STXBP5L: variants seen among roughly 807,000 people sequenced by gnomAD.
STXBP5L encodes syntaxin binding protein 5L, also known as syntaxin-binding protein 5-like.
Under a neutral mutation model 144.5 loss-of-function variants are expected in STXBP5L, and 65 were observed. The ratio of observed to expected loss-of-function variants is 0.45; its 90% confidence interval spans 0.37 to 0.55. The LOEUF is 0.55. Among genes scored for constraint, STXBP5L ranks in the 20% least tolerant of loss-of-function variants. The pLI, the probability that STXBP5L is intolerant of heterozygous loss-of-function variation, is 0.00. For missense variants in STXBP5L, 1,298 were observed against 1,405.5 expected, an observed-to-expected ratio of 0.92 and a Z score of 1.22; for synonymous variants, 505 against 469.6, an observed-to-expected ratio of 1.08 and a Z score of -0.97.
intron 20 of STXBP5L, among the ~76,000 whole-genome samples, chr3:121,372,439 A>T (rs963799557): frequency 6.6e-6 from 1 of 152,026 alleles, no homozygotes; most frequent in African/African-American, 2.4e-5. Flanking sequence ...TCTTTCCTTA[A>T]TGCTTCTCTC....
intron 3 of STXBP5L, among the ~76,000 whole-genome samples, chr3:121,036,207 C>T (rs188430596): frequency 1.3e-5 from 2 of 152,130 alleles, no homozygotes; most frequent in East Asian, 3.9e-4. Context: ...GTTGTGGGCT[C>T]CTGTAATCCC....
At chr3:121,214,467 C>T (rs966318142) in intron 10 of STXBP5L, among the ~76,000 whole-genome samples, 45 of 151,904 alleles carry the variant, frequency 3.0e-4, no homozygotes, top group African/African-American at 1.0e-3. Context: ...CATTATTTAC[C>T]CAGTTGTCAT....
intron 10 of STXBP5L, among the ~76,000 whole-genome samples, chr3:121,211,244 A>G (rs1484541215): frequency 6.6e-6 from 1 of 152,192 alleles, no homozygotes; most frequent in East Asian, 1.9e-4. Flanking sequence ...TTATTGGTGT[A>G]TAGGAATTCT....
intron 10 of STXBP5L, among the ~76,000 whole-genome samples, chr3:121,222,056 A>G (rs1433625821): frequency 3.9e-5 from 6 of 152,070 alleles, no homozygotes; most frequent in Non-Finnish European, 8.8e-5. Flanking sequence ...GTAGATGAGC[A>G]TTATATTCTC....
At chr3:121,127,749 C>G (rs1430138117) in intron 7 of STXBP5L, among the ~76,000 whole-genome samples, 2 of 151,866 alleles carry the variant, frequency 1.3e-5, no homozygotes, top group Non-Finnish European at 2.9e-5. Flanking sequence ...AACCATTAAC[C>G]TGGGATGGAA....
intron 18 of STXBP5L, among the ~76,000 whole-genome samples, chr3:121,269,198 CTAAATCCT>C (rs1182504024): frequency 1.3e-5 from 2 of 152,060 alleles, no homozygotes; most frequent in Non-Finnish European, 2.9e-5. Context: ...ACTTGATGTT[CTAAATCCT>C]GGTTGGCCGA....
intron 3 of STXBP5L, among the ~76,000 whole-genome samples, chr3:121,040,544 C>A (rs958744849): frequency 6.6e-6 from 1 of 151,722 alleles, no homozygotes. Flanking sequence ...AAACTTATTC[C>A]TTCCTTAGTA....
chr3:121,170,469 A>G (rs971099177), intron 9 of STXBP5L, among the ~76,000 whole-genome samples: 10 of 152,224 alleles, frequency 6.6e-5, no homozygotes, highest in Non-Finnish European at 5.9e-5. Flanking sequence ...AAGAATAGAG[A>G]CAAGAATCAA....
intron 3 of STXBP5L, among the ~76,000 whole-genome samples, chr3:120,974,767 C>G (rs1007889633): frequency 5.3e-5 from 8 of 152,132 alleles, no homozygotes; most frequent in Admixed American, 1.3e-4. Context: ...ATATGGCTAG[C>G]CAGTTTTCCC....
At chr3:121,388,229 A>T (rs1205586080) in intron 22 of STXBP5L, among the ~76,000 whole-genome samples, 1 of 152,122 alleles carries the variant, frequency 6.6e-6, no homozygotes, top group East Asian at 1.9e-4. Flanking sequence ...AATGTCTGTG[A>T]TTTTTGCACG....
At chr3:120,975,266 G>C (rs1232577154) in intron 3 of STXBP5L, among the ~76,000 whole-genome samples, 2 of 152,132 alleles carry the variant, frequency 1.3e-5, no homozygotes, top group African/African-American at 4.8e-5. Context: ...CACGTCCCTT[G>C]TAAGTTGGAT....
chr3:121,407,632 A>G, intron 23 of STXBP5L, 29 bp downstream of exon 23: 10 of 1,612,042 alleles, frequency 6.2e-6, no homozygotes, highest in Non-Finnish European at 8.5e-6. Flanking sequence ...ATTATCTGGT[A>G]ATCACAACAA....
intron 9 of STXBP5L, among the ~76,000 whole-genome samples, chr3:121,200,130 T>G (rs950791036): frequency 6.6e-6 from 1 of 152,188 alleles, no homozygotes; most frequent in Non-Finnish European, 1.5e-5. Context: ...TTTTGGTTGG[T>G]AGGCTATTAA....
Position 121,279,848 on chromosome 3 carries a change from A to G in STXBP5L, c.2002A>G (p.Ile668Val). The G allele has an allele frequency of 6.2e-7, 1 of 1,612,618 alleles. No individual in the cohort carries two copies. Among genetic ancestry groups the G allele is most frequent in the Non-Finnish European group, 8.5e-7 (1 of 1,178,930 alleles). ...CAATGGGTTGGCTGTGGTGGATTTT[A>G]TACAGAAGACAGTACTGTTAAGCAT... is the stretch of plus-strand genomic sequence containing the variant. ...NCNGLAVVDFIQKTVLLSMGT... is the reference protein window; with the variant it reads ...NCNGLAVVDFVQKTVLLSMGT... The change falls in exon 19 of 27, where the codon ATA (isoleucine) becomes GTA (valine). Residue 668 changes from isoleucine to valine, a missense_variant. Ile to Val is a conservative substitution (Grantham distance 29). Transcript: ENST00000471454.
intron 22 of STXBP5L, among the ~76,000 whole-genome samples, chr3:121,397,622 A>T (rs1023760908): frequency 2.6e-5 from 4 of 151,984 alleles, no homozygotes; most frequent in African/African-American, 9.7e-5. Context: ...AAGCTTGCAA[A>T]TTTTTTTCTA....
At position 121,344,865 on chromosome 3, in the gene STXBP5L, T is replaced by G. The variant is rs114392124; in HGVS notation, c.2176+26325T>G. 4.1e-3 allele frequency among the ~76,000 whole-genome samples: 628 copies of G among 151,414 alleles called. 3 individuals carry two copies. The highest frequency in any genetic ancestry group is 6.8e-3 in the Non-Finnish European group (458 of 67,814). On this transcript the variant is annotated intron_variant, in intron 20 of 26. Transcript: ENST00000471454. The stretch of plus-strand genomic sequence containing the variant: ...ATGAATTAAGAATACATCTTCAAGG[T>G]GACCATTAGAAAAATATTAAAATAC...
chr3:121,103,271 A>G (rs1479419299), intron 5 of STXBP5L, among the ~76,000 whole-genome samples: 1 of 152,178 alleles, frequency 6.6e-6, no homozygotes, highest in Non-Finnish European at 1.5e-5. Flanking sequence ...TCACAATATC[A>G]AAGACATGGA....
chr3:120,991,546 G>A (rs181150250), intron 3 of STXBP5L, among the ~76,000 whole-genome samples: 350 of 152,320 alleles, frequency 2.3e-3, no homozygotes, highest in Non-Finnish European at 1.2e-3. Context: ...GTTTATGGTG[G>A]CACTATTCAC....
chr3:121,024,134 A>G (rs1296265720), intron 3 of STXBP5L, among the ~76,000 whole-genome samples: 1 of 152,214 alleles, frequency 6.6e-6, no homozygotes, highest in Non-Finnish European at 1.5e-5. Flanking sequence ...ATCAAAAGAG[A>G]GGCCACAGAC....
Sources: allele counts gnomAD v4.1 joint callset (sites outside exome capture counted in the v4.1 genomes callset), GRCh38; gene constraint gnomAD v4.1.1; transcripts MANE v1.5; gene names NCBI Gene and HGNC (gene_info 2026-07-23, HGNC 2026-07-21).